SLC4A7: variants seen among roughly 807,000 people sequenced by gnomAD.
The protein encoded by SLC4A7 is sodium bicarbonate cotransporter 3.
Under a neutral mutation model 137.6 loss-of-function variants are expected in SLC4A7, and 51 were observed. The observed-to-expected ratio is 0.37, with a 90% CI of 0.30 to 0.47. SLC4A7 has a LOEUF of 0.47. SLC4A7 is among the 20% of genes least tolerant of loss of function. SLC4A7 has a pLI of 1.00. For synonymous variants in SLC4A7, 542 were observed against 518.6 expected (o/e 1.05, Z -0.61); for missense variants, 1,247 against 1,525.4 (o/e 0.82, Z 3.04).
At chr3:27,478,245 C>T (rs1023474161) in intron 1 of SLC4A7, among the ~76,000 whole-genome samples, 2 of 151,750 alleles carry the variant, frequency 1.3e-5, no homozygotes, top group African/African-American at 2.4e-5. Flanking sequence ...GGGCAGGGTG[C>T]GGTGGCTCAC....
At position 27,385,892 on chromosome 3, in the gene SLC4A7, CTCTT is replaced by C; in HGVS notation, c.3488_3491del (p.Lys1163ArgfsTer31). On this transcript the variant is annotated frameshift_variant and splice_region_variant, in exon 23 of 26. Coordinates refer to ENST00000454389, the MANE Select transcript of SLC4A7 (RefSeq NM_001321103.2). LOFTEE classifies it high-confidence loss of function. ...AAGTTTAAAATTGTTATCTTTTTAC[CTCTT>C]TCTCTTTTTTCTTTTTGTCATCTTC... 6.5e-7 allele frequency: 1 copy of C among 1,537,210 alleles called. No homozygotes were observed. Among genetic ancestry groups the C allele is most frequent in the Non-Finnish European group, 8.9e-7 (1 of 1,121,476 alleles).
At chr3:27,391,104 T>C (rs556520843) in intron 21 of SLC4A7, among the ~76,000 whole-genome samples, 1 of 152,300 alleles carries the variant, frequency 6.6e-6, no homozygotes, top group African/African-American at 2.4e-5. Context: ...ATAACAGACA[T>C]GAGTAATGAT....
At chr3:27,380,721 T>A (rs1559615339) in intron 24 of SLC4A7, among the ~76,000 whole-genome samples, 2 of 152,188 alleles carry the variant, frequency 1.3e-5, no homozygotes, top group Non-Finnish European at 2.9e-5. Context: ...CTGAAAAGTC[T>A]CTATGAATGG....
rs572904565 is a variant in SLC4A7, at chr3:27,375,054, C to T, written c.*1710G>A. The T allele has an allele frequency of 5.9e-5, 9 of 152,058 alleles. No homozygotes were observed. The highest frequency in any genetic ancestry group is 2.1e-4 in the South Asian group (1 of 4,824). The allele number at this position is 152,058 out of a possible 1,614,324, so 9.4% of individuals were successfully genotyped here. On this transcript the variant is annotated 3_prime_UTR_variant, in exon 26 of 26. Coordinates refer to ENST00000454389, the MANE Select transcript of SLC4A7 (RefSeq NM_001321103.2). ...GCAGCTACATTTCCAACCTCTCATC[C>T]GAGGCAGAAGTTGAATCCATCATTT...
At chr3:27,398,603 C>A (rs576043850) in intron 16 of SLC4A7, among the ~76,000 whole-genome samples, 1 of 152,196 alleles carries the variant, frequency 6.6e-6, no homozygotes, top group South Asian at 2.1e-4. Flanking sequence ...CAGTATTTTG[C>A]CAAGTCACTT....
intron 18 of SLC4A7, among the ~76,000 whole-genome samples, chr3:27,397,328 T>C (rs939867857): frequency 1.3e-5 from 2 of 152,048 alleles, no homozygotes; most frequent in Non-Finnish European, 2.9e-5. Context: ...GGTTACTTCT[T>C]TATAAAAAAA....
intron 2 of SLC4A7, among the ~76,000 whole-genome samples, chr3:27,452,116 T>C (rs2058111528): frequency 6.6e-6 from 1 of 152,102 alleles, no homozygotes; most frequent in South Asian, 2.1e-4. Flanking sequence ...AGTGTACTCA[T>C]AACACAAATT....
intron 20 of SLC4A7, 134 bp from the exon 21 acceptor site, chr3:27,391,942 T>C: frequency 1.9e-6 from 1 of 519,846 alleles, no homozygotes; most frequent in Non-Finnish European, 3.4e-6. Context: ...TTTCCACACA[T>C]AAGAAAATTG....
chr3:27,400,823 G>T lies in SLC4A7; in HGVS notation c.2368C>A (p.Gln790Lys), dbSNP rs767530400. ...GCTGTTATATTATCTTTCTTCCATT[G>T]TGCTAGAGTTTCATTGCTGGGGTTT... is the stretch of plus-strand genomic sequence containing the variant. Reference protein sequence around the residue: ...PPNPSNETLAQWKKDNITAHN... With the variant: ...PPNPSNETLAKWKKDNITAHN... Residue 790 changes from glutamine to lysine, a missense_variant, in exon 16 of 26, where the codon CAA (glutamine) becomes AAA (lysine). Physicochemically the swap from Gln to Lys is moderately conservative, Grantham distance 53. Transcript: ENST00000454389. 2 of 1,608,352 alleles carry T rather than the reference G, an allele frequency of 1.2e-6. No individual in the cohort carries two copies. The highest frequency in any genetic ancestry group is 1.1e-5 in the South Asian group (1 of 90,918).
intron 25 of SLC4A7, among the ~76,000 whole-genome samples, chr3:27,378,612 G>C (rs1399513026): frequency 6.6e-6 from 1 of 152,144 alleles, no homozygotes; most frequent in Non-Finnish European, 1.5e-5. Flanking sequence ...TCAATACATG[G>C]TCCACTGTAA....
In SLC4A7 at chr3:27,398,197, T is replaced by C; in HGVS notation, c.2584A>G (p.Thr862Ala). The C allele has an allele frequency of 6.2e-7, 1 of 1,605,694 alleles. No individual in the cohort carries two copies. Among genetic ancestry groups the C allele is most frequent in the East Asian group, 2.2e-5 (1 of 44,794 alleles). ...KQFKTKRYFP[T>A]KVRSTISDFA... ...CAAAATTATATCACAGTTACCTTGGTAGGAAAGTAACGCTTGGTCTTAAAT... is the reference window on the plus strand; with the variant it reads ...CAAAATTATATCACAGTTACCTTGGCAGGAAAGTAACGCTTGGTCTTAAAT... The change falls in exon 17 of 26, where the codon ACC becomes GCC. Residue 862 changes from threonine (T) to alanine (A), a missense_variant. Physicochemically the swap from Thr to Ala is moderately conservative, Grantham distance 58. Transcript: ENST00000454389.
chr3:27,391,096 A>C (rs543205290), intron 21 of SLC4A7, among the ~76,000 whole-genome samples: 1 of 152,332 alleles, frequency 6.6e-6, no homozygotes, highest in African/African-American at 2.4e-5. Flanking sequence ...GTGTTGGGAT[A>C]ACAGACATGA....
chr3:27,441,393 T>G (rs981085598), intron 3 of SLC4A7, among the ~76,000 whole-genome samples: 5 of 152,240 alleles, frequency 3.3e-5, no homozygotes, highest in African/African-American at 1.2e-4. Flanking sequence ...TATTTCTTCC[T>G]TAAGTTTGTT....
rs774759164 is a variant in SLC4A7, at chr3:27,376,759, C to T, written c.*5G>A. On this transcript the variant is annotated 3_prime_UTR_variant, in exon 26 of 26. Coordinates refer to ENST00000454389, the MANE Select transcript of SLC4A7 (RefSeq NM_001321103.2). ...TCTATATGTATAATGCCTCTTGGTT[C>T]AATTCTATAATGAAGTTTCAGCATC... 5 of 1,568,596 alleles carry T rather than the reference C, an allele frequency of 3.2e-6. No homozygotes were observed. The African/African-American group carries it at 5.4e-5, about 17-fold the overall frequency.
intron 1 of SLC4A7, among the ~76,000 whole-genome samples, chr3:27,455,405 A>C (rs1359758414): frequency 6.6e-6 from 1 of 152,164 alleles, no homozygotes; most frequent in Non-Finnish European, 1.5e-5. Flanking sequence ...ATTTGTATTA[A>C]GTAAAAAGCC....
chr3:27,445,963 A>AAAT (rs1553708479), intron 3 of SLC4A7, among the ~76,000 whole-genome samples: 3 of 37,520 alleles, frequency 8.0e-5, no homozygotes, highest in South Asian at 1.4e-3. Flanking sequence ...AAAAAAAAAA[A>AAAT]ATATATATAT....
At position 27,379,168 on chromosome 3, in the gene SLC4A7, T is replaced by TGAAA. The variant is rs753442251; in HGVS notation, c.3698+77_3698+80dup. 3 of 717,918 alleles carry TGAAA rather than the reference T, an allele frequency of 4.2e-6. No individual in the cohort carries two copies. The South Asian group carries it at 4.7e-5, about 11-fold the overall frequency. 44.5% of individuals were successfully genotyped at this position (717,918 alleles called of 1,614,324 possible). On this transcript the variant is annotated intron_variant, in intron 25 of 25. Transcript: ENST00000454389. Reference sequence around the variant, plus strand: ...TCCAAGTATACATTAAAATGATGGATGAAAGAAAGAAAGGAATGAAGCTAT... The same window carrying TGAAA: ...TCCAAGTATACATTAAAATGATGGATGAAAGAAAGAAAGAAAGGAATGAAGCTAT...
chr3:27,379,651 C>G (rs779168749), intron 24 of SLC4A7, among the ~76,000 whole-genome samples: 4 of 152,098 alleles, frequency 2.6e-5, no homozygotes, highest in Admixed American at 6.5e-5. Context: ...CCTCTGATCA[C>G]CTTGGCTGAA....
At chr3:27,483,973 G>C in intron 1 of SLC4A7, 94 bp downstream of exon 1, 1 of 1,002,440 alleles carries the variant, frequency 1.0e-6, no homozygotes, top group South Asian at 3.2e-5. Flanking sequence ...GGACGAGGTG[G>C]CCGAGCCGCG....
Sources: gnomAD v4.1 joint callset for allele counts (sites outside exome capture counted in the v4.1 genomes callset) on GRCh38, gnomAD v4.1.1 for gene constraint, MANE v1.5 for transcripts, NCBI Gene and HGNC (gene_info 2026-07-23, HGNC 2026-07-21) for gene names.